ASIC2: variants seen among roughly 807,000 people sequenced by gnomAD.
The protein encoded by ASIC2 is acid sensing ion channel subunit 2, also known as acid-sensing ion channel 2.
ASIC2 carries 25 observed loss-of-function variants against 57.3 expected under a neutral mutation model. The ratio of observed to expected loss-of-function variants is 0.44; its 90% CI spans 0.32 to 0.61. The LOEUF (loss-of-function observed/expected upper bound fraction) is 0.61. ASIC2 is among the 20% of genes least tolerant of loss of function. The probability of loss-of-function intolerance (pLI) is 0.06; values close to 1 mark genes in which losing one functional copy is unlikely to be tolerated. For missense variants in ASIC2, 641 were observed against 738.1 expected, an observed-to-expected ratio of 0.87 and a Z score of 1.52; for synonymous variants, 319 against 307.5, an observed-to-expected ratio of 1.04 and a Z score of -0.39.
chr17:33,220,100 G>A (rs577456371), intron 1 of ASIC2, among the ~76,000 whole-genome samples: 1 of 152,266 alleles, frequency 6.6e-6, no homozygotes, highest in East Asian at 1.9e-4. Flanking sequence ...GTCTCATATG[G>A]CACTGTTAGT....
chr17:33,727,069 A>G (rs1370308734), intron 1 of ASIC2, among the ~76,000 whole-genome samples: 1 of 152,248 alleles, frequency 6.6e-6, no homozygotes, highest in Non-Finnish European at 1.5e-5. Context: ...CTTTCAAACA[A>G]TGAATACCAA....
intron 2 of ASIC2, among the ~76,000 whole-genome samples, chr17:33,099,331 A>G (rs1249301012): frequency 1.3e-5 from 2 of 152,114 alleles, no homozygotes; most frequent in African/African-American, 4.8e-5. Flanking sequence ...ACCGCATTTT[A>G]AAATGAGTTA....
intron 1 of ASIC2, among the ~76,000 whole-genome samples, chr17:34,033,382 T>A (rs921889428): frequency 6.6e-6 from 1 of 152,070 alleles, no homozygotes; most frequent in African/African-American, 2.4e-5. Flanking sequence ...GAGGGAAATT[T>A]ATAGCACTAA....
chr17:33,558,014 A>AAC (rs1491343834), intron 1 of ASIC2, among the ~76,000 whole-genome samples: 1 of 151,804 alleles, frequency 6.6e-6, no homozygotes, highest in Admixed American at 6.5e-5. Flanking sequence ...TTACATTTAT[A>AAC]ATATATATTT....
chr17:33,762,913 G>A (rs1395759726), intron 1 of ASIC2, among the ~76,000 whole-genome samples: 1 of 152,198 alleles, frequency 6.6e-6, no homozygotes, highest in Non-Finnish European at 1.5e-5. Context: ...CTTGGCTCCT[G>A]TCAGATACTT....
At position 33,049,837 on chromosome 17, in the gene ASIC2, A is replaced by T. The variant is rs550984836; in HGVS notation, c.988-21445T>A. Among the ~76,000 whole-genome samples, 3 of 152,306 alleles carry T rather than the reference A, an allele frequency of 2.0e-5. No individual in the cohort carries two copies. In the East Asian group the frequency reaches 5.8e-4, roughly 29 times the overall value. On this transcript the variant is annotated intron_variant, in intron 3 of 9. Coordinates refer to ENST00000225823, the MANE Select transcript of ASIC2 (RefSeq NM_183377.2). The stretch of plus-strand genomic sequence containing the variant: ...GCTCCAAAGTGTGCTCCTCTTCCCC[A>T]GGACTGCACCAAGAGAAATCCCCCA...
At chr17:33,053,384 T>C (rs948834747) in intron 3 of ASIC2, among the ~76,000 whole-genome samples, 1 of 152,092 alleles carries the variant, frequency 6.6e-6, no homozygotes, top group Admixed American at 6.6e-5. Context: ...ACCTGAAAAA[T>C]TATTCTTTTT....
At chr17:33,157,399 G>A (rs1208151337) in intron 1 of ASIC2, among the ~76,000 whole-genome samples, 3 of 152,200 alleles carry the variant, frequency 2.0e-5, no homozygotes, top group Non-Finnish European at 4.4e-5. Flanking sequence ...TTGAGGTTAA[G>A]TAACTATGTA....
intron 1 of ASIC2, among the ~76,000 whole-genome samples, chr17:33,725,595 A>T (rs1427499786): frequency 1.3e-5 from 2 of 152,168 alleles, no homozygotes; most frequent in Non-Finnish European, 2.9e-5. Context: ...CGTGAAATAC[A>T]ATGGCACCTT....
intron 1 of ASIC2, among the ~76,000 whole-genome samples, chr17:33,856,196 A>G (rs1913923612): frequency 6.6e-6 from 1 of 152,194 alleles, no homozygotes; most frequent in African/African-American, 2.4e-5. Flanking sequence ...GGCTTGGAGC[A>G]AGTTAATTAA....
chr17:33,483,316 C>A (rs1219629542), intron 1 of ASIC2, among the ~76,000 whole-genome samples: 2 of 152,256 alleles, frequency 1.3e-5, no homozygotes, highest in Non-Finnish European at 2.9e-5. Flanking sequence ...AGTCTTGTCA[C>A]AATGGGTCCC....
intron 1 of ASIC2, among the ~76,000 whole-genome samples, chr17:33,379,448 C>T (rs1909399690): frequency 6.6e-6 from 1 of 152,168 alleles, no homozygotes; most frequent in Non-Finnish European, 1.5e-5. Flanking sequence ...CAACTGGTCT[C>T]CCACATATCC....
At chr17:33,371,561 C>T (rs1040312206) in intron 1 of ASIC2, among the ~76,000 whole-genome samples, 1 of 152,198 alleles carries the variant, frequency 6.6e-6, no homozygotes, top group East Asian at 1.9e-4. Context: ...GCCACTGACT[C>T]ATCTGTGTGA....
intron 2 of ASIC2, among the ~76,000 whole-genome samples, chr17:33,097,179 G>A (rs1421428670): frequency 1.3e-5 from 2 of 152,140 alleles, no homozygotes; most frequent in Non-Finnish European, 2.9e-5. Flanking sequence ...ATTGGTTTGG[G>A]TCCTTTGGGG....
chr17:33,432,026 T>C (rs898216563), intron 1 of ASIC2, among the ~76,000 whole-genome samples: 1 of 152,070 alleles, frequency 6.6e-6, no homozygotes, highest in Non-Finnish European at 1.5e-5. Context: ...AAGAAAGAAG[T>C]CACTTCAGAA....
chr17:33,076,353 C>A (rs2092089144), intron 3 of ASIC2, among the ~76,000 whole-genome samples: 1 of 152,208 alleles, frequency 6.6e-6, no homozygotes, highest in African/African-American at 2.4e-5. Flanking sequence ...CAGGCTGGAC[C>A]CCTCCTCCTT....
intron 1 of ASIC2, among the ~76,000 whole-genome samples, chr17:33,883,715 C>T (rs188699097): frequency 1.0e-3 from 158 of 152,318 alleles, no homozygotes; most frequent in African/African-American, 3.7e-3. Context: ...GATCACATTC[C>T]CTTCTCCCTG....
intron 1 of ASIC2, among the ~76,000 whole-genome samples, chr17:33,589,890 G>A (rs527752227): frequency 1.5e-4 from 23 of 152,320 alleles, no homozygotes; most frequent in Admixed American, 1.4e-3. Flanking sequence ...GGAATTGGTA[G>A]ATCATATGAT....
At chr17:34,025,407 G>A (rs1166377505) in intron 1 of ASIC2, among the ~76,000 whole-genome samples, 1 of 152,184 alleles carries the variant, frequency 6.6e-6, no homozygotes, top group Non-Finnish European at 1.5e-5. Flanking sequence ...GGAGTGGACT[G>A]CTCAGTGTAC....
Sources: allele counts gnomAD v4.1 joint callset (sites outside exome capture counted in the v4.1 genomes callset), GRCh38; gene constraint gnomAD v4.1.1; transcripts MANE v1.5; gene names NCBI Gene and HGNC (gene_info 2026-07-23, HGNC 2026-07-21).